The following STT3A variants were observed in gnomAD, a reference collection of about 807,000 sequenced individuals.
STT3A encodes the protein STT3 oligosaccharyltransferase complex catalytic subunit A.
STT3A carries 34 observed loss-of-function variants against 89.2 expected under a neutral mutation model. The ratio of observed to expected loss-of-function variants is 0.38; its 90% CI spans 0.29 to 0.51. The LOEUF is 0.51. STT3A is among the 20% of genes least tolerant of loss of function. The pLI is 0.89. For missense variants in STT3A, 555 were observed against 889.5 expected, an observed-to-expected ratio of 0.62 and a Z score of 4.78; for synonymous variants, 282 against 310.3, an observed-to-expected ratio of 0.91 and a Z score of 0.96.
Position 125,618,362 on chromosome 11 carries a change from T to TC in STT3A, c.1775-11_1775-10insC. ...TGTGATGCAGCAGTTCTTTTTTTTTTTTTCTCCTAGATATCAACAAGTTTC... is the reference window on the plus strand; with the variant it reads ...TGTGATGCAGCAGTTCTTTTTTTTTTCTTTCTCCTAGATATCAACAAGTTTC... On this transcript the variant is annotated splice_polypyrimidine_tract_variant and intron_variant, in intron 15 of 17. Transcript: ENST00000392708. 1 of 1,572,358 alleles carries TC rather than the reference T, an allele frequency of 6.4e-7. No homozygotes were observed. Among genetic ancestry groups the TC allele is most frequent in the Non-Finnish European group, 8.6e-7 (1 of 1,164,102 alleles).
Position 125,620,869 on chromosome 11 carries a change from GATTTTTTT to G in STT3A, c.*60_*67del. The G allele has an allele frequency of 1.2e-6, 1 of 841,900 alleles. No individual in the cohort carries two copies. The highest frequency in any genetic ancestry group is 1.7e-6 in the Non-Finnish European group (1 of 590,134). 52.2% of individuals were successfully genotyped at this position (841,900 alleles called of 1,614,324 possible). On this transcript the variant is annotated 3_prime_UTR_variant, in exon 18 of 18. Transcript: ENST00000392708. ...AGCACATCACATTTAGGACGTTGAA[GATTTTTTT>G]TTTTTTTTTTTTTTAATATGCAGTT...
intron 3 of STT3A, among the ~76,000 whole-genome samples, chr11:125,602,020 A>G (rs1939697661): frequency 6.6e-6 from 1 of 152,084 alleles, no homozygotes; most frequent in Non-Finnish European, 1.5e-5. Context: ...GCCAGTCTCG[A>G]ACTCCTGACC....
In STT3A at chr11:125,613,272, A is replaced by C; in HGVS notation, c.1554+95A>C. On this transcript the variant is annotated intron_variant, in intron 13 of 17. Coordinates refer to ENST00000392708, the MANE Select transcript of STT3A (RefSeq NM_152713.5). This position sits in a 1 kb window ranked among gnomAD's most constrained non-coding sequence, Gnocchi z 4.2. ...TCATACAGCTTTTAGATGGGTGGAAAGCTGGGTGAAACTGGAACTTTGCAA... is the reference window on the plus strand; with the variant it reads ...TCATACAGCTTTTAGATGGGTGGAACGCTGGGTGAAACTGGAACTTTGCAA... 1.4e-6 allele frequency: 2 copies of C among 1,395,992 alleles called. No individual in the cohort carries two copies. Among genetic ancestry groups the C allele is most frequent in the Non-Finnish European group, 2.0e-6 (2 of 1,019,436 alleles). The allele number at this position is 1,395,992 out of a possible 1,614,324, so 86.5% of individuals were successfully genotyped here. A position where few individuals can be genotyped will look rare whatever the true frequency, so the allele number is the denominator to read the frequency against.
chr11:125,592,441 G>T (rs775141235), upstream of STT3A: 7 of 456,184 alleles, frequency 1.5e-5, no homozygotes, highest in Admixed American at 1.6e-4. Flanking sequence ...GGAGACGAGC[G>T]GCTCCGCATT....
intron 11 of STT3A, among the ~76,000 whole-genome samples, chr11:125,611,725 C>T (rs915069050): frequency 2.0e-5 from 3 of 151,916 alleles, no homozygotes; most frequent in African/African-American, 4.8e-5. Flanking sequence ...TTCTTGGATT[C>T]GTAACTTTGT....
Position 125,602,880 on chromosome 11 carries a change from G to T in STT3A, c.349G>T (p.Val117Leu). 6.2e-7 allele frequency: 1 copy of T among 1,614,116 alleles called. No individual in the cohort carries two copies. Among genetic ancestry groups the T allele is most frequent in the Non-Finnish European group, 8.5e-7 (1 of 1,180,032 alleles). The change falls in exon 5 of 18, where the codon GTG becomes TTG. Residue 117 changes from valine (V) to leucine (L), a missense_variant. By Grantham distance (32) the Val-to-Leu change is conservative. Transcript: ENST00000392708. ...CACCATCGACATTCGGAATGTCTGT[G>T]TGTTCCTGGCCCCTCTCTTCTCCTC... ...HITIDIRNVC[V>L]FLAPLFSSFT...
At chr11:125,603,024 G>A in intron 5 of STT3A, 76 bp downstream of exon 5, 1 of 1,555,118 alleles carries the variant, frequency 6.4e-7, no homozygotes, top group Non-Finnish European at 8.7e-7. Flanking sequence ...GAGGGTGGGG[G>A]ACAGAGCCTT....
At chr11:125,612,830 G>A (rs1197076662) in intron 12 of STT3A, 83 bp downstream of exon 12, 1 of 1,545,620 alleles carries the variant, frequency 6.5e-7, no homozygotes. Flanking sequence ...GGGGTGGGAG[G>A]AGTAAAGTAG....
In STT3A at chr11:125,612,711, G is replaced by A; in HGVS notation, c.1329G>A (p.Lys443=). 8.7e-6 allele frequency: 14 copies of A among 1,614,172 alleles called. No individual in the cohort carries two copies. The highest frequency in any genetic ancestry group is 1.2e-5 in the Non-Finnish European group (14 of 1,180,022). ...TAAGTCGTCCAGACAAGAAGAGCAA[G>A]AAGCAACAGGATTCCACCTACCCTA... ...LDISRPDKKS[K]KQQDSTYPIK... The change falls in exon 12 of 18, where the codon AAG becomes AAA. Residue 443 remains lysine, a synonymous_variant. Coordinates refer to ENST00000392708, the MANE Select transcript of STT3A (RefSeq NM_152713.5).
At chr11:125,612,558 T>G in intron 11 of STT3A, 34 bp from the exon 12 acceptor site, 1 of 1,595,460 alleles carries the variant, frequency 6.3e-7, no homozygotes, top group South Asian at 1.1e-5. Context: ...TGTGGAACAC[T>G]GATTAGACTG....
intron 15 of STT3A, among the ~76,000 whole-genome samples, chr11:125,615,751 A>G (rs1940159486): frequency 6.6e-6 from 1 of 152,212 alleles, no homozygotes; most frequent in African/African-American, 2.4e-5. Flanking sequence ...TACGATAACC[A>G]TTAAAAAACA....
intron 10 of STT3A, chr11:125,609,790 G>A (rs1271152734): frequency 2.1e-6 from 1 of 477,506 alleles, no homozygotes; most frequent in Non-Finnish European, 3.6e-6. Flanking sequence ...GGCAAGTTCA[G>A]CCTCACAGTT....
rs1940076743 is a variant in STT3A at position 125,613,155 on chromosome 11, G to GAGAA, written c.1532_1533insAGAA (p.Trp511Ter). 1 of 1,613,906 alleles carries GAGAA rather than the reference G, an allele frequency of 6.2e-7. No homozygotes were observed. Among genetic ancestry groups the GAGAA allele is most frequent in the Non-Finnish European group, 8.5e-7 (1 of 1,180,026 alleles). ...GATGACTTCCGAGAAGCATATTATT[G>GAGAA]GCTTCGTCATAATACTCCAGAGGTG... On this transcript the variant is annotated stop_gained and frameshift_variant, in exon 13 of 18. Coordinates refer to ENST00000392708, the MANE Select transcript of STT3A (RefSeq NM_152713.5). LOFTEE classifies it high-confidence loss of function. The surrounding 1 kb of genome is among the most constrained non-coding windows in gnomAD (Gnocchi z 4.2).
chr11:125,593,325 GAAACGTGTGT>G (rs1476393327), intron 1 of STT3A: 16 of 152,414 alleles, frequency 1.0e-4, no homozygotes, highest in African/African-American at 3.9e-4. Context: ...AGAGGGTGTG[GAAACGTGTGT>G]AGGAAAACGG....
At chr11:125,612,383 C>T (rs1940052980) in intron 11 of STT3A, among the ~76,000 whole-genome samples, 1 of 152,158 alleles carries the variant, frequency 6.6e-6, no homozygotes, top group Non-Finnish European at 1.5e-5. Context: ...TTATTCAAGA[C>T]ACACATGCAT....
At chr11:125,606,266 AC>A in intron 7 of STT3A, 34 bp from the exon 8 acceptor site, 1 of 1,588,938 alleles carries the variant, frequency 6.3e-7, no homozygotes, top group East Asian at 2.2e-5. Flanking sequence ...GAGGAGGCAT[AC>A]TCAGAGGAAC....
chr11:125,605,879 A>G (rs1335110723), intron 7 of STT3A, 144 bp downstream of exon 7: 1 of 634,836 alleles, frequency 1.6e-6, no homozygotes, highest in Non-Finnish European at 2.7e-6. Flanking sequence ...GTTCATACTT[A>G]CGTATACATG....
chr11:125,592,265 CA>C (rs2135890347), upstream of STT3A, among the ~76,000 whole-genome samples: 1 of 152,284 alleles, frequency 6.6e-6, no homozygotes, highest in South Asian at 2.1e-4. Context: ...TCGCAGTTAC[CA>C]AGGCACAGTA....
chr11:125,622,596 A>T lies in STT3A; in HGVS notation c.*1786A>T, dbSNP rs893624117. 6.6e-6 allele frequency: 1 copy of T among 152,210 alleles called. No homozygotes were observed. Among genetic ancestry groups the T allele is most frequent in the African/African-American group, 2.4e-5 (1 of 41,422 alleles). The allele number at this position is 152,210 out of a possible 1,614,324, so 9.4% of individuals were successfully genotyped here. A position where few individuals can be genotyped will look rare whatever the true frequency, so the allele number is the denominator to read the frequency against. On this transcript the variant is annotated 3_prime_UTR_variant, in exon 18 of 18. Coordinates refer to ENST00000392708, the MANE Select transcript of STT3A (RefSeq NM_152713.5). ...TTGTGTACTTAGCATAAAAAACTCA[A>T]ATCTAGGCCAGGTGCAGTGGCTCAT...
Sources: allele counts gnomAD v4.1 joint callset (sites outside exome capture counted in the v4.1 genomes callset), GRCh38; gene constraint gnomAD v4.1.1; non-coding constraint Gnocchi (gnomAD v3.1); transcripts MANE v1.5; gene names NCBI Gene and HGNC (gene_info 2026-07-23, HGNC 2026-07-21).